The following PEAK1 variants were observed in gnomAD, a reference collection of about 807,000 sequenced individuals.
PEAK1 encodes inactive tyrosine-protein kinase PEAK1.
PEAK1 carries 54 observed loss-of-function variants against 124.7 expected under a neutral mutation model. The ratio of observed to expected loss-of-function variants is 0.43; its 90% confidence interval spans 0.35 to 0.54. The LOEUF (loss-of-function observed/expected upper bound fraction) is 0.54. PEAK1 is among the 20% of genes least tolerant of loss of function. PEAK1 has a pLI of 0.01. For missense variants in PEAK1, 2,046 were observed against 2,134.5 expected (o/e 0.96, Z 0.82); for synonymous variants, 719 against 760.0 (o/e 0.95, Z 0.89).
chr15:77,185,719 TG>T (rs942969011), intron 6 of PEAK1, among the ~76,000 whole-genome samples: 2 of 152,124 alleles, frequency 1.3e-5, no homozygotes, highest in African/African-American at 4.8e-5. Flanking sequence ...GCTAGGAGGA[TG>T]GGGGTCCAGA....
rs752682331 is a variant in PEAK1, at chr15:77,133,249, C to T, written c.3833G>A (p.Arg1278Gln). The T allele has an allele frequency of 4.3e-6, 7 of 1,614,210 alleles. No individual in the cohort carries two copies. The East Asian group carries it at 1.1e-4, about 26-fold the overall frequency. The change falls in exon 9 of 10, where the codon CGA (arginine) becomes CAA (glutamine). Residue 1278 changes from arginine to glutamine, a missense_variant. Arg to Gln is a conservative substitution (Grantham distance 43). Coordinates refer to ENST00000682557, the MANE Select transcript of PEAK1 (RefSeq NM_001385026.1). The surrounding 1 kb of genome is among the most constrained non-coding windows in gnomAD (Gnocchi z 4.2). Reference sequence around the variant, plus strand: ...TACTTCCTCCCGATTCTCAAGTCCTCGATAAAGTGCTTGTCTCTGCGGCTT... The same window carrying T: ...TACTTCCTCCCGATTCTCAAGTCCTTGATAAAGTGCTTGTCTCTGCGGCTT... ...IQKPQRQALYRGLENREEVVG... is the reference protein window; with the variant it reads ...IQKPQRQALYQGLENREEVVG...
At chr15:77,334,920 G>A (rs2066104867) in intron 2 of PEAK1, 1 of 985,310 alleles carries the variant, frequency 1.0e-6, no homozygotes. Context: ...AGCTTCCCCA[G>A]GTTTAATGAC....
intron 2 of PEAK1, chr15:77,347,538 A>G (rs1327638216): frequency 3.0e-6 from 3 of 985,350 alleles, no homozygotes; most frequent in Non-Finnish European, 3.6e-6. Flanking sequence ...GCACTCATAA[A>G]TGAACTCCAA....
chr15:77,417,459 CGGGG>C, intron 1 of PEAK1: 1 of 377,652 alleles, frequency 2.6e-6, no homozygotes, highest in Non-Finnish European at 3.1e-6. Context: ...GGATGCGGGG[CGGGG>C]GGGGAGGGGG....
In PEAK1 at chr15:77,304,492, A is replaced by T. The variant is rs148544588; in HGVS notation, c.-602-17988T>A. ...GAGACGGAGTCTCGCTCTGTCTCCC[A>T]GGCTGGAGTAAAGTGGCGCGATCTC... is the stretch of plus-strand genomic sequence containing the variant. On this transcript the variant is annotated intron_variant, in intron 2 of 9. Transcript: ENST00000682557. 8.1e-3 allele frequency among the ~76,000 whole-genome samples: 971 copies of T among 120,392 alleles called. 8 individuals are homozygous for T. Among genetic ancestry groups the T allele is most frequent in the African/African-American group, 0.029 (922 of 31,320 alleles). 79.0% of individuals were successfully genotyped at this position (120,392 alleles called of 152,430 possible). A position where few individuals can be genotyped will look rare whatever the true frequency, so the allele number is the denominator to read the frequency against.
chr15:77,288,800 G>A (rs922716772), intron 2 of PEAK1, among the ~76,000 whole-genome samples: 7 of 152,134 alleles, frequency 4.6e-5, no homozygotes, highest in African/African-American at 1.7e-4. Flanking sequence ...GTGGTGGCGG[G>A]CACCTGTAGT....
chr15:77,156,882 G>C (rs2055203779), intron 8 of PEAK1: 1 of 151,990 alleles, frequency 6.6e-6, no homozygotes, highest in African/African-American at 2.4e-5. Context: ...TCAAATAATG[G>C]GAAAAGTCCA....
chr15:77,186,913 A>G (rs577590139), intron 6 of PEAK1, among the ~76,000 whole-genome samples: 2 of 152,338 alleles, frequency 1.3e-5, no homozygotes, highest in African/African-American at 4.8e-5. Context: ...AATAACTAGC[A>G]GCTTTCCCTG....
At chr15:77,344,677 C>T (rs2066758761) in intron 2 of PEAK1, among the ~76,000 whole-genome samples, 1 of 152,214 alleles carries the variant, frequency 6.6e-6, no homozygotes, top group Non-Finnish European at 1.5e-5. Flanking sequence ...ACAACAGTGT[C>T]TTCCAACCCA....
chr15:77,297,417 G>A (rs1008543390), intron 2 of PEAK1, among the ~76,000 whole-genome samples: 3 of 151,756 alleles, frequency 2.0e-5, no homozygotes, highest in Non-Finnish European at 4.4e-5. Context: ...CAAAGCATAT[G>A]TCACTTCAGC....
intron 2 of PEAK1, among the ~76,000 whole-genome samples, chr15:77,345,607 C>T (rs1248951835): frequency 2.0e-5 from 3 of 152,182 alleles, no homozygotes; most frequent in African/African-American, 7.2e-5. Context: ...CATTTGATAA[C>T]ACTGCGGCAT....
At chr15:77,176,491 C>T (rs2056887085) in intron 7 of PEAK1, among the ~76,000 whole-genome samples, 1 of 152,072 alleles carries the variant, frequency 6.6e-6, no homozygotes, top group African/African-American at 2.4e-5. Flanking sequence ...CCACCCCAGA[C>T]CTACTGAATA....
At chr15:77,291,867 C>T (rs1048775338) in intron 2 of PEAK1, among the ~76,000 whole-genome samples, 2 of 151,324 alleles carry the variant, frequency 1.3e-5, no homozygotes, top group Non-Finnish European at 2.9e-5. Flanking sequence ...GTCCCCGCTA[C>T]TCAGGAGGCT....
intron 6 of PEAK1, among the ~76,000 whole-genome samples, chr15:77,190,521 A>G (rs553579221): frequency 2.6e-5 from 4 of 152,368 alleles, no homozygotes; most frequent in African/African-American, 9.6e-5. Context: ...AAAATAAACT[A>G]ATGTAAACAC....
intron 9 of PEAK1, among the ~76,000 whole-genome samples, chr15:77,121,513 A>G (rs2051915359): frequency 6.6e-6 from 1 of 152,186 alleles, no homozygotes; most frequent in South Asian, 2.1e-4. Flanking sequence ...TACACAAATG[A>G]GTGAAATCTG....
intron 2 of PEAK1, chr15:77,334,908 C>A (rs968999950): frequency 1.0e-6 from 1 of 985,342 alleles, no homozygotes; most frequent in South Asian, 4.7e-5. Flanking sequence ...TTACTGATAT[C>A]CAGCTTCCCC....
chr15:77,419,547 G>C lies in PEAK1; in HGVS notation c.-666+459C>G, dbSNP rs1038225817. On this transcript the variant is annotated intron_variant, in intron 1 of 9. Transcript: ENST00000682557. ...CGGCGAGGCTGCGCCGATGCTCCCG[G>C]GTGCGGGAGCGGGCTGACCGTGTGG... 5.1e-6 allele frequency: 5 copies of C among 985,136 alleles called. No individual in the cohort carries two copies. The African/African-American group carries it at 5.2e-5, about 10-fold the overall frequency. The allele number at this position is 985,136 out of a possible 1,614,324, so 61.0% of individuals were successfully genotyped here. A position where few individuals can be genotyped will look rare whatever the true frequency, so the allele number is the denominator to read the frequency against.
intron 5 of PEAK1, among the ~76,000 whole-genome samples, chr15:77,263,694 C>T (rs1596987285): frequency 6.6e-6 from 1 of 152,276 alleles, no homozygotes; most frequent in East Asian, 1.9e-4. Flanking sequence ...GAGCTGGTAC[C>T]ATTCCTTCTG....
At chr15:77,223,886 ATTTTTTTTTTTTT>A (rs10719377) in intron 6 of PEAK1, among the ~76,000 whole-genome samples, 151 of 121,586 alleles carry the variant, frequency 1.2e-3, no homozygotes, top group Admixed American at 2.7e-3. Flanking sequence ...CATTTGAGAG[ATTTTTTTTTTTTT>A]TTTTTTTTTT....
Sources: gnomAD v4.1 joint callset for allele counts (sites outside exome capture counted in the v4.1 genomes callset) on GRCh38, gnomAD v4.1.1 for gene constraint, Gnocchi (gnomAD v3.1) non-coding constraint, MANE v1.5 for transcripts, NCBI Gene and HGNC (gene_info 2026-07-23, HGNC 2026-07-21) for gene names.